Variants in SLC24A3 observed in about 807,000 individuals in gnomAD.
SLC24A3 encodes solute carrier family 24 member 3, also known as sodium/potassium/calcium exchanger 3.
SLC24A3 carries 28 observed loss-of-function variants against 75.8 expected under a neutral mutation model. The observed-to-expected ratio is 0.37, with a 90% CI of 0.27 to 0.51. The LOEUF is 0.51. Among genes scored for constraint, SLC24A3 ranks in the 20% least tolerant of loss-of-function variants. The pLI, the probability that SLC24A3 is intolerant of heterozygous loss-of-function variation, is 0.94. For missense variants in SLC24A3, 663 were observed against 847.8 expected, an observed-to-expected ratio of 0.78 and a Z score of 2.71; for synonymous variants, 372 against 334.1, an observed-to-expected ratio of 1.11 and a Z score of -1.24.
rs193047905 is a variant in SLC24A3 at position 19,345,911 on chromosome 20, G to A, written c.271+64824G>A. Among the ~76,000 whole-genome samples the A allele has an allele frequency of 2.7e-3, 405 of 151,432 alleles. 3 individuals carry two copies. The highest frequency in any genetic ancestry group is 9.4e-3 in the African/African-American group (389 of 41,284). ...TTAAAGGACTAAAAGTAGATTTATC[G>A]TTTGATCCAGCAATCCCACTACTAG... On this transcript the variant is annotated intron_variant, in intron 2 of 16. Coordinates refer to ENST00000328041, the MANE Select transcript of SLC24A3 (RefSeq NM_020689.4).
At chr20:19,557,994 T>C (rs2030816816) in intron 3 of SLC24A3, among the ~76,000 whole-genome samples, 2 of 152,118 alleles carry the variant, frequency 1.3e-5, no homozygotes, top group African/African-American at 4.8e-5. Context: ...GGTAGGTGGA[T>C]GGATGGGTGG....
chr20:19,325,188 G>A (rs1984809940), intron 2 of SLC24A3, among the ~76,000 whole-genome samples: 1 of 152,052 alleles, frequency 6.6e-6, no homozygotes, highest in East Asian at 1.9e-4. Context: ...AATACTTTGG[G>A]AGGCTGAGAC....
At chr20:19,400,219 A>G (rs1160427881) in intron 2 of SLC24A3, among the ~76,000 whole-genome samples, 2 of 152,214 alleles carry the variant, frequency 1.3e-5, no homozygotes, top group Admixed American at 6.5e-5. Flanking sequence ...TGTGGATTTT[A>G]CCTTATTAGG....
chr20:19,567,319 T>A (rs2030974929), intron 3 of SLC24A3, among the ~76,000 whole-genome samples: 1 of 152,204 alleles, frequency 6.6e-6, no homozygotes, highest in Non-Finnish European at 1.5e-5. Context: ...GTGGTACATA[T>A]ACACGATGGA....
intron 2 of SLC24A3, among the ~76,000 whole-genome samples, chr20:19,391,350 G>T (rs1568606509): frequency 2.6e-5 from 4 of 152,182 alleles, no homozygotes; most frequent in Non-Finnish European, 5.9e-5. Context: ...TAGTCCCTGA[G>T]TGTGAGTCTA....
intron 2 of SLC24A3, among the ~76,000 whole-genome samples, chr20:19,395,144 C>T (rs1480837502): frequency 6.6e-6 from 1 of 152,138 alleles, no homozygotes; most frequent in African/African-American, 2.4e-5. Flanking sequence ...CAGGCCGACT[C>T]ACAGAAACAG....
At chr20:19,440,902 C>T (rs1021964954) in intron 2 of SLC24A3, among the ~76,000 whole-genome samples, 4 of 152,136 alleles carry the variant, frequency 2.6e-5, no homozygotes, top group South Asian at 2.1e-4. Context: ...TGGATACCGA[C>T]GGACTGTTTT....
At chr20:19,593,471 A>G (rs2031407680) in intron 6 of SLC24A3, among the ~76,000 whole-genome samples, 1 of 152,204 alleles carries the variant, frequency 6.6e-6, no homozygotes, top group African/African-American at 2.4e-5. Context: ...CACCTACAGT[A>G]CTTACCTTGT....
chr20:19,362,510 C>T (rs1354516550), intron 2 of SLC24A3, among the ~76,000 whole-genome samples: 1 of 152,198 alleles, frequency 6.6e-6, no homozygotes, highest in Admixed American at 6.5e-5. Flanking sequence ...AGGGCCTGAT[C>T]GGCCATAGGT....
intron 14 of SLC24A3, 49 bp downstream of exon 14, chr20:19,696,960 A>G: frequency 3.8e-5 from 15 of 396,742 alleles, no homozygotes; most frequent in Admixed American, 8.1e-5. Context: ...GGAGGAGGAG[A>G]GGGAGGGAAG....
At chr20:19,681,799 T>C (rs1447644290) in intron 9 of SLC24A3, 59 bp from the exon 10 acceptor site, 27 of 1,609,656 alleles carry the variant, frequency 1.7e-5, no homozygotes, top group South Asian at 3.3e-5. Context: ...TTGGTGGGAG[T>C]TGAGAAATGG....
intron 3 of SLC24A3, among the ~76,000 whole-genome samples, chr20:19,579,380 G>A (rs974108222): frequency 6.6e-5 from 10 of 152,256 alleles, no homozygotes; most frequent in African/African-American, 2.2e-4. Flanking sequence ...TTTCCTGCAG[G>A]GATCCAGTGA....
At chr20:19,538,769 G>A (rs551094062) in intron 3 of SLC24A3, among the ~76,000 whole-genome samples, 220 of 152,194 alleles carry the variant, frequency 1.4e-3, no homozygotes, top group Non-Finnish European at 2.9e-3. Context: ...ACTACTCCCC[G>A]AATCAACAGA....
chr20:19,260,234 G>C (rs1172596212), intron 1 of SLC24A3, among the ~76,000 whole-genome samples: 1 of 152,222 alleles, frequency 6.6e-6, no homozygotes, highest in Non-Finnish European at 1.5e-5. Flanking sequence ...CCTATGCAGA[G>C]ATAACAGGTA....
At chr20:19,593,981 AG>A (rs1205059730) in intron 6 of SLC24A3, among the ~76,000 whole-genome samples, 2 of 152,238 alleles carry the variant, frequency 1.3e-5, no homozygotes, top group East Asian at 3.9e-4. Flanking sequence ...AGGCACCCCT[AG>A]CCTTAGCACA....
intron 1 of SLC24A3, among the ~76,000 whole-genome samples, chr20:19,247,592 T>G (rs1982532366): frequency 6.6e-6 from 1 of 152,140 alleles, no homozygotes; most frequent in African/African-American, 2.4e-5. Context: ...CAATCCCGCG[T>G]AGATGATGGA....
intron 15 of SLC24A3, among the ~76,000 whole-genome samples, chr20:19,700,266 C>G (rs1416912355): frequency 1.3e-5 from 2 of 152,196 alleles, no homozygotes; most frequent in Non-Finnish European, 2.9e-5. Flanking sequence ...CCTGGCAGCT[C>G]TCATGTCTCT....
intron 1 of SLC24A3, among the ~76,000 whole-genome samples, chr20:19,226,116 G>T (rs1223133134): frequency 6.6e-6 from 1 of 152,154 alleles, no homozygotes; most frequent in East Asian, 1.9e-4. Flanking sequence ...TTTTCTGAGA[G>T]TTTTTATCAA....
chr20:19,710,060 C>T (rs569024703), intron 15 of SLC24A3, among the ~76,000 whole-genome samples: 1 of 152,326 alleles, frequency 6.6e-6, no homozygotes, highest in East Asian at 1.9e-4. Flanking sequence ...CAGCTGGGAA[C>T]ATCCATTTGG....
Sources: allele counts gnomAD v4.1 joint callset (sites outside exome capture counted in the v4.1 genomes callset), GRCh38; gene constraint gnomAD v4.1.1; transcripts MANE v1.5; gene names NCBI Gene and HGNC (gene_info 2026-07-23, HGNC 2026-07-21).